Variants in FNDC3A observed in about 807,000 individuals in gnomAD.
The protein encoded by FNDC3A is fibronectin type III domain containing 3A, also known as fibronectin type-III domain-containing protein 3A.
In FNDC3A, 32 loss-of-function variants were observed where a neutral mutation model predicts 148.9. The ratio of observed to expected loss-of-function variants is 0.21; its 90% confidence interval spans 0.16 to 0.29. The LOEUF is 0.29. FNDC3A is among the 10% of genes least tolerant of loss of function. The pLI is 1.00. For missense variants in FNDC3A, 1,191 were observed against 1,452.8 expected (o/e 0.82, Z 2.93); for synonymous variants, 472 against 473.6 (o/e 1.00, Z 0.04).
intron 3 of FNDC3A, among the ~76,000 whole-genome samples, chr13:49,080,505 C>T (rs1878399001): frequency 6.6e-6 from 1 of 152,170 alleles, no homozygotes; most frequent in Non-Finnish European, 1.5e-5. Context: ...TTGAAACAAT[C>T]TAACTTGTTC....
chr13:49,076,044 A>T (rs1878088978), intron 3 of FNDC3A, among the ~76,000 whole-genome samples: 1 of 152,068 alleles, frequency 6.6e-6, no homozygotes, highest in African/African-American at 2.4e-5. Flanking sequence ...CATTTATGAC[A>T]AACAGAAAAG....
At position 49,096,581 on chromosome 13, in the gene FNDC3A, T is replaced by C. The variant is rs377123215; in HGVS notation, c.176-18074T>C. Among the ~76,000 whole-genome samples, 804 of 152,286 alleles carry C rather than the reference T, an allele frequency of 5.3e-3. 7 individuals are homozygous for C. The highest frequency in any genetic ancestry group is 0.018 in the African/African-American group (767 of 41,570). On this transcript the variant is annotated intron_variant, in intron 3 of 25. Coordinates refer to ENST00000492622, the MANE Select transcript of FNDC3A (RefSeq NM_001079673.2). The stretch of plus-strand genomic sequence containing the variant: ...CTCACTTCTTTTGTGTCCAGTCTTC[T>C]GTATTCAGCCACTTGCTAGAACACA...
intron 1 of FNDC3A, among the ~76,000 whole-genome samples, chr13:48,995,971 G>A (rs1247971983): frequency 6.6e-6 from 1 of 152,186 alleles, no homozygotes; most frequent in Non-Finnish European, 1.5e-5. Flanking sequence ...AAATGAAGTA[G>A]AAGTCTAAAT....
chr13:49,188,704 C>A, intron 17 of FNDC3A, 71 bp downstream of exon 17: 1 of 906,816 alleles, frequency 1.1e-6, no homozygotes. Context: ...CACCAGGTGC[C>A]ACTTCAAATA....
At chr13:49,015,190 A>C (rs1207826952) in intron 2 of FNDC3A, among the ~76,000 whole-genome samples, 2 of 152,190 alleles carry the variant, frequency 1.3e-5, no homozygotes, top group Admixed American at 6.5e-5. Flanking sequence ...TACCTTGGGC[A>C]GTATGGCCAT....
rs562893230 is a variant in FNDC3A, at chr13:49,151,431, C to T, written c.977+5496C>T. On this transcript the variant is annotated intron_variant, in intron 8 of 25. Coordinates refer to ENST00000492622, the MANE Select transcript of FNDC3A (RefSeq NM_001079673.2). ...TTTGGTTTCTGTTTGCATGGATTAT[C>T]GTTTTCCATCCCTTTACTTTCAGTC... Among the ~76,000 whole-genome samples the T allele has an allele frequency of 5.3e-5, 8 of 152,220 alleles. No homozygotes were observed. The South Asian group carries it at 1.5e-3, about 28-fold the overall frequency.
At chr13:49,197,113 C>G in intron 20 of FNDC3A, 123 bp downstream of exon 20, 4 of 491,098 alleles carry the variant, frequency 8.1e-6, no homozygotes, top group Non-Finnish European at 1.4e-5. Context: ...TAGTTTAATT[C>G]ACATGAAAAA....
At chr13:49,170,167 C>T (rs1884678771) in intron 10 of FNDC3A, among the ~76,000 whole-genome samples, 1 of 152,108 alleles carries the variant, frequency 6.6e-6, no homozygotes, top group South Asian at 2.1e-4. Flanking sequence ...CCTATATACA[C>T]ACACAGTAAT....
chr13:49,149,331 A>G (rs114864649), intron 8 of FNDC3A, among the ~76,000 whole-genome samples: 3,006 of 152,028 alleles, frequency 0.02, 110 homozygotes, highest in African/African-American at 0.068. Context: ...GATGTTAGCT[A>G]TGGGTCTGTC....
At chr13:48,993,810 A>C (rs904414771) in intron 1 of FNDC3A, among the ~76,000 whole-genome samples, 1 of 152,200 alleles carries the variant, frequency 6.6e-6, no homozygotes, top group Non-Finnish European at 1.5e-5. Flanking sequence ...AAAAATCCTC[A>C]TAATATAAAA....
Position 49,203,206 on chromosome 13 carries a change from G to C in FNDC3A, c.3204G>C (p.Glu1068Asp), listed in dbSNP as rs1886499203. 1 of 1,602,652 alleles carries C rather than the reference G, an allele frequency of 6.2e-7. No individual in the cohort carries two copies. Among genetic ancestry groups the C allele is most frequent in the African/African-American group, 1.3e-5 (1 of 74,804 alleles). Residue 1068 changes from glutamate to aspartate, a missense_variant, in exon 25 of 26, where the codon GAG becomes GAC. By Grantham distance (45) the Glu-to-Asp change is conservative. Around this residue, in one of 3 missense-constraint regions of FNDC3A, gnomAD observed 751 missense variants for 944.0 expected, o/e 0.80. Coordinates refer to ENST00000492622, the MANE Select transcript of FNDC3A (RefSeq NM_001079673.2). The part of the protein sequence containing the change: ...VNDHICEITW[E>D]CLQPMKGDPV... ...ATCACATTTGTGAAATTACATGGGA[G>C]TGTTTACAGCCAATGAAAGGTGATC...
At chr13:49,056,738 C>T (rs979671207) in intron 2 of FNDC3A, among the ~76,000 whole-genome samples, 16 of 152,200 alleles carry the variant, frequency 1.1e-4, no homozygotes, top group African/African-American at 3.1e-4. Context: ...ACCACATTTT[C>T]GAATTTCAAG....
At position 49,168,766 on chromosome 13, in the gene FNDC3A, T is replaced by C; in HGVS notation, c.1176+15T>C. ...TGCAATGGAAGGTAAGAATATTCTT[T>C]AGGGTGTTTCCAACTGGACATGTGT... On this transcript the variant is annotated intron_variant, in intron 10 of 25. Transcript: ENST00000492622. 6.2e-7 allele frequency: 1 copy of C among 1,610,402 alleles called. No individual in the cohort carries two copies. Among genetic ancestry groups the C allele is most frequent in the Non-Finnish European group, 8.5e-7 (1 of 1,177,710 alleles).
intron 2 of FNDC3A, among the ~76,000 whole-genome samples, chr13:49,010,240 G>A (rs1435843903): frequency 6.6e-6 from 1 of 152,190 alleles, no homozygotes; most frequent in Non-Finnish European, 1.5e-5. Context: ...GGGCTGTAAG[G>A]GTGATCCCTG....
chr13:48,999,191 C>T (rs1952079748), intron 1 of FNDC3A, among the ~76,000 whole-genome samples: 1 of 152,120 alleles, frequency 6.6e-6, no homozygotes, highest in Admixed American at 6.5e-5. Context: ...GTGATGCTGC[C>T]ATTTCAGTAT....
At chr13:49,164,367 C>T (rs1279599842) in intron 8 of FNDC3A, among the ~76,000 whole-genome samples, 1 of 152,020 alleles carries the variant, frequency 6.6e-6, no homozygotes, top group Non-Finnish European at 1.5e-5. Context: ...TGCAGAAGAC[C>T]TTTTTGCATT....
intron 13 of FNDC3A, among the ~76,000 whole-genome samples, chr13:49,177,644 A>T (rs186054079): frequency 6.6e-5 from 10 of 152,332 alleles, no homozygotes; most frequent in Admixed American, 5.9e-4. Context: ...ATGTCCATCA[A>T]CAGATAGATG....
At chr13:49,101,794 G>GTT (rs570292116) in intron 3 of FNDC3A, among the ~76,000 whole-genome samples, 118 of 103,352 alleles carry the variant, frequency 1.1e-3, no homozygotes, top group African/African-American at 1.7e-3. Flanking sequence ...ACCTGCTTTA[G>GTT]TTTTTTTTTT....
Position 49,136,408 on chromosome 13 carries a change from AT to A in FNDC3A, c.569del (p.Leu190Ter). 1 of 1,614,134 alleles carries A rather than the reference AT, an allele frequency of 6.2e-7. No individual in the cohort carries two copies. ...AAACATATGAACGTTTGCAGAAAAA[AT>A]TGAAGGATCGCCAAGGAACACAGAA... ...SKTYERLQKK[L>X]KDRQGTQKDK... On this transcript the variant is annotated frameshift_variant, in exon 6 of 26. Coordinates refer to ENST00000492622, the MANE Select transcript of FNDC3A (RefSeq NM_001079673.2). LOFTEE classifies it high-confidence loss of function.
Sources: allele counts gnomAD v4.1 joint callset (sites outside exome capture counted in the v4.1 genomes callset), GRCh38; gene constraint gnomAD v4.1.1; regional missense constraint gnomAD v4.1.1; transcripts MANE v1.5; gene names NCBI Gene and HGNC (gene_info 2026-07-23, HGNC 2026-07-21).